The following EYS variants were observed in gnomAD, a reference collection of about 807,000 sequenced individuals.
The protein encoded by EYS is protein eyes shut homolog.
EYS carries 250 observed loss-of-function variants against 282.1 expected under a neutral mutation model. That is an observed-to-expected ratio of 0.89 (90% CI 0.80 to 0.98). EYS has a LOEUF of 0.98. EYS is among the 50% of genes least tolerant of loss of function. EYS has a pLI of 0.00. For missense variants in EYS, 4,016 were observed against 3,709.0 expected (o/e 1.08, Z -2.15); for synonymous variants, 1,355 against 1,282.9 (o/e 1.06, Z -1.20).
At chr6:63,961,793 A>G (rs897776282) in intron 35 of EYS, among the ~76,000 whole-genome samples, 2 of 152,130 alleles carry the variant, frequency 1.3e-5, no homozygotes, top group African/African-American at 2.4e-5. Context: ...CACATTGGGT[A>G]TACATTCCAA....
rs1232012021 is a variant in EYS, at chr6:63,837,144, A to T, written c.7228+27042T>A. On this transcript the variant is annotated intron_variant, in intron 36 of 42. Coordinates refer to ENST00000503581, the MANE Select transcript of EYS (RefSeq NM_001142800.2). The stretch of plus-strand genomic sequence containing the variant: ...TTTGAATTCAAAAAAATATAGAAAC[A>T]TTTTATGAAAAAGAACACTATATTT... 2.0e-5 allele frequency among the ~76,000 whole-genome samples: 3 copies of T among 152,072 alleles called. No homozygotes were observed. The East Asian group carries it at 5.8e-4, about 29-fold the overall frequency.
chr6:64,889,859 A>C (rs1767223069), intron 18 of EYS, among the ~76,000 whole-genome samples: 1 of 152,046 alleles, frequency 6.6e-6, no homozygotes, highest in African/African-American at 2.4e-5. Flanking sequence ...AAAGAACAGG[A>C]TAACAGCAAC....
intron 31 of EYS, among the ~76,000 whole-genome samples, chr6:64,148,120 G>T (rs1774581378): frequency 6.6e-6 from 1 of 151,976 alleles, no homozygotes; most frequent in African/African-American, 2.4e-5. Context: ...TGAACTGTTT[G>T]AACACTGAAA....
intron 1 of EYS, among the ~76,000 whole-genome samples, chr6:65,641,997 A>G (rs1249455389): frequency 1.3e-5 from 2 of 152,110 alleles, no homozygotes; most frequent in Admixed American, 1.3e-4. Context: ...AGTAATAAAT[A>G]AGTTCTCCTT....
intron 31 of EYS, among the ~76,000 whole-genome samples, chr6:64,207,566 G>T (rs1765647814): frequency 6.6e-6 from 1 of 152,098 alleles, no homozygotes; most frequent in Non-Finnish European, 1.5e-5. Context: ...CATGAAGTTT[G>T]GGGGAGTGAA....
At chr6:65,353,769 T>A in intron 8 of EYS, 152 bp from the exon 9 acceptor site, 2 of 634,704 alleles carry the variant, frequency 3.2e-6, no homozygotes, top group Middle Eastern at 4.3e-4. Context: ...TTTCTTCTAT[T>A]TCTTTATCTT....
intron 22 of EYS, among the ~76,000 whole-genome samples, chr6:64,803,615 G>A (rs1195578624): frequency 5.9e-5 from 9 of 152,154 alleles, no homozygotes; most frequent in Non-Finnish European, 1.2e-4. Flanking sequence ...GTTGTCCAAG[G>A]CGCTCAGGCT....
At chr6:64,870,513 A>G (rs1258816507) in intron 19 of EYS, among the ~76,000 whole-genome samples, 1 of 151,472 alleles carries the variant, frequency 6.6e-6, no homozygotes, top group African/African-American at 2.4e-5. Context: ...CCACTTTTCA[A>G]CAAACATCAC....
rs1239735559 is a variant in EYS, at chr6:63,999,234, G to A, written c.6726-51C>T. On this transcript the variant is annotated intron_variant, in intron 33 of 42. Transcript: ENST00000503581. ...TATGATATGTGTTTTTGGCAAGAAA[G>A]GAGTAACTTCACACATGGATAGTAA... 7 of 1,201,302 alleles carry A rather than the reference G, an allele frequency of 5.8e-6. No individual in the cohort carries two copies. The South Asian group carries it at 7.8e-5, about 13-fold the overall frequency. 74.4% of individuals were successfully genotyped at this position (1,201,302 alleles called of 1,614,324 possible). A position where few individuals can be genotyped will look rare whatever the true frequency, so the allele number is the denominator to read the frequency against.
At chr6:64,560,452 AG>A (rs1332015937) in intron 26 of EYS, among the ~76,000 whole-genome samples, 1 of 152,092 alleles carries the variant, frequency 6.6e-6, no homozygotes, top group East Asian at 1.9e-4. Flanking sequence ...TTTAAAGAAA[AG>A]TTCCATTATG....
chr6:64,173,316 T>C (rs1039451220), intron 31 of EYS, among the ~76,000 whole-genome samples: 3 of 152,168 alleles, frequency 2.0e-5, no homozygotes, highest in Non-Finnish European at 4.4e-5. Context: ...CTATCTATCA[T>C]ATAAATACAA....
chr6:65,682,296 T>C (rs1768853982), intron 1 of EYS, among the ~76,000 whole-genome samples: 1 of 151,876 alleles, frequency 6.6e-6, no homozygotes, highest in African/African-American at 2.4e-5. Flanking sequence ...TGCTAGCAAG[T>C]CTGTCCAATC....
intron 31 of EYS, among the ~76,000 whole-genome samples, chr6:64,130,034 C>T (rs1773918151): frequency 6.6e-6 from 1 of 152,084 alleles, no homozygotes; most frequent in East Asian, 1.9e-4. Flanking sequence ...TTACTGTAGC[C>T]TTGTAGTATA....
At chr6:64,396,702 G>A (rs144151370) in intron 28 of EYS, among the ~76,000 whole-genome samples, 10 of 152,062 alleles carry the variant, frequency 6.6e-5, no homozygotes, top group African/African-American at 2.4e-4. Flanking sequence ...CTGCAGTATC[G>A]CTTCTGTCAT....
chr6:63,974,555 A>T (rs1259729594), intron 35 of EYS, among the ~76,000 whole-genome samples: 1 of 152,022 alleles, frequency 6.6e-6, no homozygotes, highest in Non-Finnish European at 1.5e-5. Flanking sequence ...TTATTACCTA[A>T]GGGTAGAGAA....
intron 1 of EYS, among the ~76,000 whole-genome samples, chr6:65,657,481 A>C (rs192099355): frequency 3.0e-4 from 45 of 151,996 alleles, no homozygotes; most frequent in Middle Eastern, 3.4e-3. Flanking sequence ...TTGAGGACCC[A>C]AGATTTGAAT....
chr6:64,303,666 C>A (rs1319337273), intron 30 of EYS, among the ~76,000 whole-genome samples: 4 of 151,466 alleles, frequency 2.6e-5, no homozygotes, highest in African/African-American at 7.3e-5. Context: ...CACGGTGAAA[C>A]CCCGTCTCTA....
intron 33 of EYS, among the ~76,000 whole-genome samples, chr6:64,046,964 G>A (rs1304637397): frequency 6.6e-6 from 1 of 152,166 alleles, no homozygotes; most frequent in Admixed American, 6.5e-5. Context: ...GTCAGGCTTA[G>A]CTTGCTAGTC....
At chr6:64,371,920 T>C (rs1451403119) in intron 29 of EYS, among the ~76,000 whole-genome samples, 4 of 152,126 alleles carry the variant, frequency 2.6e-5, no homozygotes, top group Non-Finnish European at 5.9e-5. Flanking sequence ...GCGTGTGAGA[T>C]TGGTCTCCTG....
Sources: allele counts gnomAD v4.1 joint callset (sites outside exome capture counted in the v4.1 genomes callset), GRCh38; gene constraint gnomAD v4.1.1; transcripts MANE v1.5; gene names NCBI Gene and HGNC (gene_info 2026-07-23, HGNC 2026-07-21).